PLAC1: variants seen among roughly 807,000 people sequenced by gnomAD.
PLAC1 encodes placenta associated 1.
For missense variants in PLAC1, 136 were observed against 163.2 expected (o/e 0.83, Z 0.91); for synonymous variants, 68 against 62.1 (o/e 1.09, Z -0.44).
intron 1 of PLAC1, among the ~76,000 whole-genome samples, chrX:134,645,575 G>T (rs150881852): frequency 9.0e-6 from 1 of 111,653 alleles, no homozygotes; most frequent in African/African-American, 3.3e-5. Flanking sequence ...TACAAGTTTA[G>T]CTCCCAGCAA....
At chrX:134,750,548 C>T (rs1240239561) in intron 1 of PLAC1, among the ~76,000 whole-genome samples, 13 of 108,094 alleles carry the variant, frequency 1.2e-4, no homozygotes, top group South Asian at 4.0e-4. Flanking sequence ...TTACTGCCTC[C>T]TACTCTGCTC....
At chrX:134,586,028 C>T (rs1195129171) in intron 2 of PLAC1, among the ~76,000 whole-genome samples, 2 of 111,735 alleles carry the variant, frequency 1.8e-5, no homozygotes, top group African/African-American at 6.5e-5. Context: ...CAACAGGGCT[C>T]TCATTTAAAA....
At chrX:134,585,942 A>T (rs2077998261) in intron 2 of PLAC1, among the ~76,000 whole-genome samples, 1 of 112,128 alleles carries the variant, frequency 8.9e-6, no homozygotes, top group Non-Finnish European at 1.9e-5. Flanking sequence ...TGGGACCCAA[A>T]GGTGCCCATT....
chrX:134,711,470 G>A (rs2078627837), intron 2 of PLAC1, among the ~76,000 whole-genome samples: 1 of 111,816 alleles, frequency 8.9e-6, no homozygotes, highest in African/African-American at 3.3e-5. Context: ...GCTTGTCTGT[G>A]GCTTTGAGAC....
chrX:134,611,514 C>CAT (rs1416937340), intron 1 of PLAC1, among the ~76,000 whole-genome samples: 3,141 of 40,831 alleles, frequency 0.077, 133 homozygotes, highest in African/African-American at 0.28. Context: ...TATACACACA[C>CAT]ACACATACAT....
At chrX:134,683,791 G>A (rs2078506624) in intron 2 of PLAC1, among the ~76,000 whole-genome samples, 1 of 112,241 alleles carries the variant, frequency 8.9e-6, no homozygotes. Flanking sequence ...CTGCCACAAA[G>A]TCAATACTGG....
intron 2 of PLAC1, among the ~76,000 whole-genome samples, chrX:134,689,797 G>T (rs1037393079): frequency 1.8e-5 from 2 of 111,967 alleles, no homozygotes; most frequent in African/African-American, 6.5e-5. Context: ...TCTGCAGTCC[G>T]TCTCTACTTT....
intron 1 of PLAC1, among the ~76,000 whole-genome samples, chrX:134,652,517 C>T (rs2078368661): frequency 8.9e-6 from 1 of 111,933 alleles, no homozygotes; most frequent in African/African-American, 3.3e-5. Flanking sequence ...ATAAACCTGT[C>T]ACCACAGGGG....
intron 1 of PLAC1, chrX:134,607,614 G>T: frequency 7.0e-6 from 1 of 142,955 alleles, no homozygotes; most frequent in East Asian, 1.9e-4. Context: ...AACCTACTCC[G>T]CATGAATTCA....
chrX:134,616,829 GC>G (rs1297927334), intron 1 of PLAC1, among the ~76,000 whole-genome samples: 5 of 107,631 alleles, frequency 4.6e-5, no homozygotes, highest in African/African-American at 1.7e-4. Flanking sequence ...AGGCTGGAGT[GC>G]AGTGGTGCGA....
At chrX:134,750,347 C>A (rs758660811) in intron 1 of PLAC1, among the ~76,000 whole-genome samples, 1 of 110,798 alleles carries the variant, frequency 9.0e-6, no homozygotes, top group Non-Finnish European at 1.9e-5. Flanking sequence ...TCCTGATATA[C>A]CGTATGCTGT....
chrX:134,646,137 A>G (rs892636941), intron 1 of PLAC1, among the ~76,000 whole-genome samples: 3 of 112,055 alleles, frequency 2.7e-5, no homozygotes, highest in Admixed American at 9.5e-5. Flanking sequence ...AAGAGTAGCA[A>G]TGAAAAGCAG....
intron 2 of PLAC1, among the ~76,000 whole-genome samples, chrX:134,664,980 G>A (rs376854168): frequency 9.0e-6 from 1 of 111,504 alleles, no homozygotes; most frequent in Non-Finnish European, 1.9e-5. Context: ...AAAACTCCCC[G>A]CTATATTTCC....
At chrX:134,660,070 G>A (rs776753939), upstream of PLAC1, among the ~76,000 whole-genome samples, 3 of 107,934 alleles carry the variant, frequency 2.8e-5, no homozygotes, top group Non-Finnish European at 5.8e-5. Flanking sequence ...AAATCTAAAA[G>A]GGATTTTAAA....
intron 1 of PLAC1, among the ~76,000 whole-genome samples, chrX:134,735,689 T>C (rs1243563375): frequency 9.2e-6 from 1 of 108,903 alleles, no homozygotes; most frequent in Non-Finnish European, 1.9e-5. Context: ...AAAACACCCT[T>C]TGGTCTTACT....
chrX:134,721,798 G>A lies in PLAC1; in HGVS notation n.174+11637C>T, dbSNP rs1045278506. 1.4e-4 allele frequency among the ~76,000 whole-genome samples: 15 copies of A among 110,838 alleles called. No individual in the cohort carries two copies. The Admixed American group carries it at 1.4e-3, about 11-fold the overall frequency. ...GAATTGCTTGAACCTGGGAGGCAGA[G>A]GTTGCAGTGAGCCGAGATCATGCCA... On this transcript the variant is annotated intron_variant and non_coding_transcript_variant, in intron 2 of 2. Coordinates refer to the PLAC1 transcript ENST00000466797.
intron 1 of PLAC1, among the ~76,000 whole-genome samples, chrX:134,655,522 T>C (rs895533606): frequency 1.8e-5 from 2 of 112,212 alleles, no homozygotes; most frequent in Non-Finnish European, 3.8e-5. Flanking sequence ...CCAATCCATA[T>C]TCAAATTGCC....
chrX:134,699,783 T>C (rs748403480), intron 2 of PLAC1, among the ~76,000 whole-genome samples: 1 of 111,833 alleles, frequency 8.9e-6, no homozygotes, highest in South Asian at 3.8e-4. Flanking sequence ...CAGTTCTTGT[T>C]ATCCCCATCC....
chrX:134,687,821 T>C (rs1305474627), intron 2 of PLAC1, among the ~76,000 whole-genome samples: 5 of 1,673 alleles, frequency 3.0e-3, no homozygotes, highest in African/African-American at 5.6e-3. Flanking sequence ...ATAACATATA[T>C]ATATATATAT....
Sources: gnomAD v4.1 joint callset for allele counts (sites outside exome capture counted in the v4.1 genomes callset) on GRCh38, gnomAD v4.1.1 for gene constraint, MANE v1.5 for transcripts, NCBI Gene and HGNC (gene_info 2026-07-23, HGNC 2026-07-21) for gene names.